Variants in SLC6A6 observed in about 807,000 individuals in gnomAD.
SLC6A6 encodes sodium- and chloride-dependent taurine transporter.
Under a neutral mutation model 68.8 loss-of-function variants are expected in SLC6A6, and 16 were observed. That is an observed-to-expected ratio of 0.23 (90% CI 0.16 to 0.35). SLC6A6 has a LOEUF of 0.35. Among genes scored for constraint, SLC6A6 ranks in the 10% least tolerant of loss-of-function variants. The pLI, the probability that SLC6A6 is intolerant of heterozygous loss-of-function variation, is 1.00. For synonymous variants in SLC6A6, 312 were observed against 315.4 expected (o/e 0.99, Z 0.12); for missense variants, 474 against 802.8 (o/e 0.59, Z 4.95).
chr3:14,462,688 G>A lies in SLC6A6; in HGVS notation c.733-3828G>A, dbSNP rs182162105. ...CACTCTAGCATGGGCGACAGAGACC[G>A]TGTCTTAAAAAAAAAATGTAAGGGG... On this transcript the variant is annotated intron_variant, in intron 6 of 14. Transcript: ENST00000622186. Among the ~76,000 whole-genome samples the A allele has an allele frequency of 4.9e-4, 75 of 152,102 alleles. No homozygotes were observed. In the Middle Eastern group the frequency reaches 0.01, roughly 21 times the overall value.
intron 2 of SLC6A6, among the ~76,000 whole-genome samples, chr3:14,422,290 A>G (rs777740063): frequency 2.7e-4 from 41 of 152,212 alleles, no homozygotes; most frequent in African/African-American, 3.1e-4. Context: ...GGGTGCCTTT[A>G]TCTACTCATG....
chr3:14,473,408 T>C (rs1400268766), intron 10 of SLC6A6, among the ~76,000 whole-genome samples: 9 of 152,044 alleles, frequency 5.9e-5, no homozygotes, highest in Admixed American at 5.9e-4. Flanking sequence ...TGGGAAGCCT[T>C]TGAGCAACTG....
At chr3:14,404,383 A>C (rs1378992500) in intron 1 of SLC6A6, among the ~76,000 whole-genome samples, 1 of 152,036 alleles carries the variant, frequency 6.6e-6, no homozygotes, top group African/African-American at 2.4e-5. Context: ...GTTGGAGAGG[A>C]TCCAAAGGGG....
intron 4 of SLC6A6, among the ~76,000 whole-genome samples, chr3:14,447,326 A>G (rs1216826294): frequency 1.3e-5 from 2 of 152,064 alleles, no homozygotes; most frequent in African/African-American, 4.8e-5. Context: ...CTTTTCATCC[A>G]TCCATCTATT....
At chr3:14,456,902 A>G (rs2124965558) in intron 5 of SLC6A6, among the ~76,000 whole-genome samples, 1 of 152,350 alleles carries the variant, frequency 6.6e-6, no homozygotes, top group Non-Finnish European at 1.5e-5. Context: ...TGTGGTGGAC[A>G]GGTAACCTGG....
At chr3:14,462,629 G>T (rs1700521458) in intron 6 of SLC6A6, among the ~76,000 whole-genome samples, 1 of 152,150 alleles carries the variant, frequency 6.6e-6, no homozygotes, top group Admixed American at 6.6e-5. Flanking sequence ...GGCCCGGGAA[G>T]TTGAGACTGC....
chr3:14,447,055 A>G (rs763097768), intron 4 of SLC6A6, among the ~76,000 whole-genome samples: 9 of 152,100 alleles, frequency 5.9e-5, no homozygotes, highest in Non-Finnish European at 1.3e-4. Context: ...ACCTACCACC[A>G]TCCATACATC....
At chr3:14,434,783 C>G (rs187749590) in intron 2 of SLC6A6, among the ~76,000 whole-genome samples, 1 of 152,162 alleles carries the variant, frequency 6.6e-6, no homozygotes, top group African/African-American at 2.4e-5. Context: ...GGGAGCCTGC[C>G]GTGCCTCCAC....
chr3:14,407,469 T>C (rs968849576), intron 1 of SLC6A6, among the ~76,000 whole-genome samples: 6 of 151,618 alleles, frequency 4.0e-5, no homozygotes, highest in African/African-American at 1.5e-4. Context: ...TGTCTTGTGC[T>C]CCTCACCTCA....
intron 9 of SLC6A6, among the ~76,000 whole-genome samples, chr3:14,471,130 C>CTTTTTGACT (rs1700740940): frequency 6.0e-5 from 5 of 83,124 alleles, no homozygotes; most frequent in African/African-American, 2.4e-4. Context: ...TGCTTCTTGA[C>CTTTTTGACT]TTTTTTTTTT....
intron 6 of SLC6A6, among the ~76,000 whole-genome samples, chr3:14,462,391 G>C (rs1274204177): frequency 6.6e-6 from 1 of 152,146 alleles, no homozygotes; most frequent in East Asian, 1.9e-4. Context: ...AGAGAGTTTT[G>C]AGAACCTCAG....
In SLC6A6 at chr3:14,477,016, G is replaced by A. The variant is rs1335102234; in HGVS notation, c.1210-189G>A. Among the ~76,000 whole-genome samples the A allele has an allele frequency of 2.6e-5, 4 of 152,188 alleles. No individual in the cohort carries two copies. The highest frequency in any genetic ancestry group is 4.8e-5 in the African/African-American group (2 of 41,444). On this transcript the variant is annotated intron_variant, in intron 10 of 14. Transcript: ENST00000622186. This position sits in a 1 kb window ranked among gnomAD's most constrained non-coding sequence, Gnocchi z 4.2. ...TGTCTGGCTCCGAGGAGTGGCAGGC[G>A]GGACTCCCCAGGCACAGTCAGGGAG...
chr3:14,437,174 G>A (rs1294075830), intron 2 of SLC6A6, among the ~76,000 whole-genome samples: 1 of 152,204 alleles, frequency 6.6e-6, no homozygotes, highest in Non-Finnish European at 1.5e-5. Flanking sequence ...CTTGTAGTCA[G>A]TGCTCTTTTT....
At chr3:14,424,846 G>A (rs545522136) in intron 2 of SLC6A6, among the ~76,000 whole-genome samples, 102 of 152,272 alleles carry the variant, frequency 6.7e-4, no homozygotes, top group Non-Finnish European at 1.3e-3. Flanking sequence ...TTGGGAGCCC[G>A]TGAAGTGCAT....
At chr3:14,426,455 A>AT (rs1699602003) in intron 2 of SLC6A6, among the ~76,000 whole-genome samples, 1 of 152,188 alleles carries the variant, frequency 6.6e-6, no homozygotes, top group South Asian at 2.1e-4. Context: ...AGGTTGGAGG[A>AT]TTTTGCATAC....
intron 10 of SLC6A6, among the ~76,000 whole-genome samples, chr3:14,473,446 G>A (rs942083086): frequency 1.3e-5 from 2 of 152,150 alleles, no homozygotes; most frequent in African/African-American, 4.8e-5. Context: ...GGAGCTTGCA[G>A]CCAGGGCGGG....
At chr3:14,426,927 C>A (rs896395100) in intron 2 of SLC6A6, among the ~76,000 whole-genome samples, 2 of 152,064 alleles carry the variant, frequency 1.3e-5, no homozygotes, top group Non-Finnish European at 2.9e-5. Flanking sequence ...AACGGCGTGG[C>A]GATGGGGGTT....
chr3:14,414,933 G>T (rs1037811858), intron 1 of SLC6A6, among the ~76,000 whole-genome samples: 1 of 152,136 alleles, frequency 6.6e-6, no homozygotes, highest in South Asian at 2.1e-4. Context: ...TCTTAACCTC[G>T]TGCTTTAAAC....
intron 3 of SLC6A6, chr3:14,444,473 G>A (rs1700065778): frequency 4.1e-6 from 1 of 244,128 alleles, no homozygotes; most frequent in African/African-American, 2.2e-5. Context: ...GTTTTTGCCT[G>A]CTGAAGGCTC....
Sources: gnomAD v4.1 joint callset for allele counts (sites outside exome capture counted in the v4.1 genomes callset) on GRCh38, gnomAD v4.1.1 for gene constraint, Gnocchi (gnomAD v3.1) non-coding constraint, MANE v1.5 for transcripts, NCBI Gene and HGNC (gene_info 2026-07-23, HGNC 2026-07-21) for gene names.